FRMD5: variants seen among roughly 807,000 people sequenced by gnomAD.
FRMD5 encodes the protein FERM domain containing 5.
In FRMD5, 20 loss-of-function variants were observed where a neutral mutation model predicts 69.0. The ratio of observed to expected loss-of-function variants is 0.29; its 90% CI spans 0.20 to 0.42. The LOEUF (loss-of-function observed/expected upper bound fraction) is 0.42. FRMD5 is among the 10% of genes least tolerant of loss of function. The probability of loss-of-function intolerance (pLI) is 1.00; values close to 1 mark genes in which losing one functional copy is unlikely to be tolerated. For missense variants in FRMD5, 595 were observed against 708.6 expected (o/e 0.84, Z 1.82); for synonymous variants, 271 against 260.1 (o/e 1.04, Z -0.40).
At chr15:43,906,076 T>C in intron 5 of FRMD5, 125 bp from the exon 6 acceptor site, 2 of 1,238,508 alleles carry the variant, frequency 1.6e-6, no homozygotes, top group South Asian at 1.3e-5. Context: ...AAACAGTGGA[T>C]TCTGAGCACG....
chr15:43,962,147 T>C (rs2090213140), intron 1 of FRMD5, among the ~76,000 whole-genome samples: 1 of 152,226 alleles, frequency 6.6e-6, no homozygotes. Flanking sequence ...ATTGTATATC[T>C]ACAAAACCCC....
chr15:43,932,017 C>G (rs1476698661), intron 1 of FRMD5, among the ~76,000 whole-genome samples: 1 of 152,162 alleles, frequency 6.6e-6, no homozygotes, highest in African/African-American at 2.4e-5. Context: ...CAGACCCATC[C>G]CTTAATGTAC....
At position 44,067,937 on chromosome 15, in the gene FRMD5, T is replaced by C. The variant is rs1330531215; in HGVS notation, c.102+127016A>G. On this transcript the variant is annotated intron_variant, in intron 1 of 13. Transcript: ENST00000417257. ...AAATAGGCAAAGATTGAAACAGATA[T>C]TTCTTCAAGTAAATACAAATGGCCA... 2.6e-5 allele frequency among the ~76,000 whole-genome samples: 4 copies of C among 152,160 alleles called. No individual in the cohort carries two copies. The South Asian group carries it at 8.3e-4, about 32-fold the overall frequency.
chr15:43,946,764 C>T (rs535836138), intron 1 of FRMD5, among the ~76,000 whole-genome samples: 39 of 152,310 alleles, frequency 2.6e-4, no homozygotes, highest in African/African-American at 9.1e-4. Flanking sequence ...TTGCTCTCTT[C>T]TGTCCCCCTG....
At chr15:43,960,031 C>T (rs2090171871) in intron 1 of FRMD5, among the ~76,000 whole-genome samples, 1 of 152,206 alleles carries the variant, frequency 6.6e-6, no homozygotes, top group African/African-American at 2.4e-5. Context: ...AATTCTCCTG[C>T]CTCAGCCTCC....
intron 1 of FRMD5, among the ~76,000 whole-genome samples, chr15:43,948,725 A>C (rs547054136): frequency 2.0e-4 from 31 of 152,294 alleles, no homozygotes; most frequent in Middle Eastern, 3.4e-3. Flanking sequence ...ATATGCAACC[A>C]GTTCTAAGAA....
intron 1 of FRMD5, among the ~76,000 whole-genome samples, chr15:44,113,760 A>T (rs920469656): frequency 2.6e-5 from 4 of 152,146 alleles, no homozygotes; most frequent in Admixed American, 2.6e-4. Context: ...TTTGACCTTG[A>T]AAAAGTCACT....
intron 1 of FRMD5, among the ~76,000 whole-genome samples, chr15:43,940,453 A>G (rs2089842267): frequency 6.6e-6 from 1 of 152,216 alleles, no homozygotes; most frequent in Non-Finnish European, 1.5e-5. Flanking sequence ...CCCAAATTAC[A>G]ATGGGATGAT....
chr15:44,131,938 T>C (rs1249621953), intron 1 of FRMD5, among the ~76,000 whole-genome samples: 2 of 152,328 alleles, frequency 1.3e-5, no homozygotes, highest in East Asian at 3.9e-4. Flanking sequence ...TGCACTTTAT[T>C]TCTATTATTA....
At chr15:44,152,361 T>C (rs778465554) in intron 1 of FRMD5, among the ~76,000 whole-genome samples, 12 of 152,248 alleles carry the variant, frequency 7.9e-5, no homozygotes, top group Non-Finnish European at 1.5e-4. Flanking sequence ...TTTAACCTTA[T>C]TGTGTAGTAT....
At chr15:43,961,487 T>C (rs1247377497) in intron 1 of FRMD5, among the ~76,000 whole-genome samples, 2 of 152,222 alleles carry the variant, frequency 1.3e-5, no homozygotes, top group African/African-American at 2.4e-5. Context: ...AAGGAGGAAC[T>C]GGTACCATTC....
chr15:44,029,620 T>C (rs980839423), intron 1 of FRMD5, among the ~76,000 whole-genome samples: 6 of 152,184 alleles, frequency 3.9e-5, no homozygotes, highest in Non-Finnish European at 7.4e-5. Flanking sequence ...GGCTGACATA[T>C]GCTGACATGG....
intron 1 of FRMD5, among the ~76,000 whole-genome samples, chr15:44,133,317 C>G (rs890390149): frequency 1.3e-4 from 20 of 151,982 alleles, no homozygotes; most frequent in Admixed American, 1.1e-3. Context: ...TGGCTCACAT[C>G]TGTAATCCCA....
chr15:44,192,132 A>T, intron 1 of FRMD5, among the ~76,000 whole-genome samples: 1 of 152,066 alleles, frequency 6.6e-6, no homozygotes, highest in East Asian at 1.9e-4. Flanking sequence ...TATCAGAAAG[A>T]GTGAAAGAAT....
chr15:44,068,669 T>C (rs1210275199), intron 1 of FRMD5, among the ~76,000 whole-genome samples: 2 of 152,178 alleles, frequency 1.3e-5, no homozygotes, highest in African/African-American at 4.8e-5. Context: ...TGTTCTGAAA[T>C]TACATACTGG....
chr15:43,997,413 C>T (rs1214671832), intron 1 of FRMD5, among the ~76,000 whole-genome samples: 1 of 152,154 alleles, frequency 6.6e-6, no homozygotes, highest in African/African-American at 2.4e-5. Context: ...AAAAGAAATT[C>T]CCCATTCTGC....
intron 5 of FRMD5, among the ~76,000 whole-genome samples, chr15:43,908,762 G>A (rs1232331414): frequency 6.6e-6 from 1 of 152,146 alleles, no homozygotes; most frequent in Non-Finnish European, 1.5e-5. Flanking sequence ...AACCCAGTCT[G>A]GGCCTCAGCT....
intron 1 of FRMD5, among the ~76,000 whole-genome samples, chr15:44,116,107 C>T (rs148493650): frequency 6.6e-6 from 1 of 150,810 alleles, no homozygotes; most frequent in African/African-American, 2.4e-5. Flanking sequence ...GGAAGGAGTG[C>T]GATAAGGAAG....
intron 4 of FRMD5, among the ~76,000 whole-genome samples, chr15:43,918,417 T>C (rs777941583): frequency 6.6e-6 from 1 of 152,154 alleles, no homozygotes; most frequent in Non-Finnish European, 1.5e-5. Context: ...AGAGCGAAAC[T>C]CTGTCTCAAA....
Sources: allele counts gnomAD v4.1 joint callset (sites outside exome capture counted in the v4.1 genomes callset), GRCh38; gene constraint gnomAD v4.1.1; transcripts MANE v1.5; gene names NCBI Gene and HGNC (gene_info 2026-07-23, HGNC 2026-07-21).